Variants in ROBO1 observed in about 807,000 individuals in gnomAD.
The protein encoded by ROBO1 is roundabout guidance receptor 1.
Under a neutral mutation model 195.9 loss-of-function variants are expected in ROBO1, and 149 were observed. That is an observed-to-expected ratio of 0.76 (90% CI 0.67 to 0.87). ROBO1 has a LOEUF of 0.87. Among genes scored for constraint, ROBO1 ranks in the 40% least tolerant of loss-of-function variants. ROBO1 has a pLI of 0.00. For synonymous variants in ROBO1, 816 were observed against 733.2 expected, an observed-to-expected ratio of 1.11 and a Z score of -1.82; for missense variants, 1,933 against 2,068.3, an observed-to-expected ratio of 0.93 and a Z score of 1.27.
intron 1 of ROBO1, among the ~76,000 whole-genome samples, chr3:79,645,913 CT>C (rs1256191401): frequency 6.6e-6 from 1 of 152,094 alleles, no homozygotes; most frequent in African/African-American, 2.4e-5. Flanking sequence ...ATCTCATACC[CT>C]CTACAAAACT....
At chr3:79,141,774 C>G (rs931809803) in intron 2 of ROBO1, among the ~76,000 whole-genome samples, 6 of 152,026 alleles carry the variant, frequency 3.9e-5, no homozygotes, top group Non-Finnish European at 7.4e-5. Context: ...GGCTCACAGC[C>G]TTTGGACATT....
chr3:79,427,406 C>A (rs564194951), intron 2 of ROBO1, among the ~76,000 whole-genome samples: 5 of 152,240 alleles, frequency 3.3e-5, no homozygotes, highest in African/African-American at 1.2e-4. Flanking sequence ...GTCTATTTAA[C>A]CAGCAAATGA....
chr3:79,585,689 G>A (rs1943805682), intron 2 of ROBO1, among the ~76,000 whole-genome samples: 1 of 151,870 alleles, frequency 6.6e-6, no homozygotes, highest in Admixed American at 6.6e-5. Flanking sequence ...CTAAAGCAGA[G>A]GTTCTCAAAT....
chr3:79,224,856 A>G (rs2082198122), intron 2 of ROBO1, among the ~76,000 whole-genome samples: 1 of 152,184 alleles, frequency 6.6e-6, no homozygotes, highest in African/African-American at 2.4e-5. Context: ...CTAGGTCCTC[A>G]AATACCAATG....
intron 4 of ROBO1, among the ~76,000 whole-genome samples, chr3:78,860,327 T>TATATATATATATATATA (rs1491455003): frequency 1.3e-3 from 16 of 12,558 alleles, no homozygotes; most frequent in African/African-American, 2.1e-3. Context: ...TATATATATA[T>TATATATATATATATATA]TTTTTTTTTT....
chr3:79,047,201 G>T (rs1317577013), intron 3 of ROBO1, among the ~76,000 whole-genome samples: 7 of 152,096 alleles, frequency 4.6e-5, no homozygotes, highest in African/African-American at 1.7e-4. Context: ...TTATGTAGTG[G>T]GAGAATGTAG....
At chr3:79,150,902 G>T (rs2080755172) in intron 2 of ROBO1, among the ~76,000 whole-genome samples, 1 of 151,528 alleles carries the variant, frequency 6.6e-6, no homozygotes, top group African/African-American at 2.4e-5. Flanking sequence ...TTAATTCCCT[G>T]CCCCAGCCCC....
intron 1 of ROBO1, among the ~76,000 whole-genome samples, chr3:79,655,554 T>C (rs1371785790): frequency 2.6e-5 from 4 of 152,054 alleles, no homozygotes; most frequent in Non-Finnish European, 5.9e-5. Context: ...AATGGCAAGA[T>C]GTGTCAGGAA....
At chr3:78,832,840 T>C (rs1334309514) in intron 4 of ROBO1, among the ~76,000 whole-genome samples, 1 of 152,178 alleles carries the variant, frequency 6.6e-6, no homozygotes, top group East Asian at 1.9e-4. Flanking sequence ...GGAGGCACTC[T>C]TGGTATAGAG....
At chr3:79,446,644 A>G (rs1559905882) in intron 2 of ROBO1, among the ~76,000 whole-genome samples, 1 of 152,298 alleles carries the variant, frequency 6.6e-6, no homozygotes, top group South Asian at 2.1e-4. Flanking sequence ...TGCTAATGAT[A>G]TTATTACAAT....
At chr3:78,713,224 A>G (rs1177571883) in intron 8 of ROBO1, among the ~76,000 whole-genome samples, 2 of 152,184 alleles carry the variant, frequency 1.3e-5, no homozygotes, top group Non-Finnish European at 2.9e-5. Flanking sequence ...TAAAAACCCC[A>G]AAGTGGGACA....
intron 3 of ROBO1, among the ~76,000 whole-genome samples, chr3:79,094,442 G>A (rs2079529764): frequency 6.6e-6 from 1 of 152,038 alleles, no homozygotes; most frequent in South Asian, 2.1e-4. Context: ...GACATCCTTT[G>A]ATATGCAAAC....
chr3:79,577,253 G>T (rs759399036), intron 2 of ROBO1, among the ~76,000 whole-genome samples: 2 of 151,916 alleles, frequency 1.3e-5, no homozygotes, highest in African/African-American at 4.8e-5. Flanking sequence ...TCTTTTTAGC[G>T]TCATTTATTT....
At chr3:79,543,827 C>A (rs1942164850) in intron 2 of ROBO1, among the ~76,000 whole-genome samples, 1 of 152,082 alleles carries the variant, frequency 6.6e-6, no homozygotes, top group African/African-American at 2.4e-5. Flanking sequence ...TGTAGAAATA[C>A]TCTGCAATGC....
intron 4 of ROBO1, among the ~76,000 whole-genome samples, chr3:78,913,108 C>T (rs1240694193): frequency 1.3e-5 from 2 of 152,126 alleles, no homozygotes; most frequent in African/African-American, 4.8e-5. Flanking sequence ...CTTTGACTAA[C>T]TTTCCAGCCA....
At chr3:79,618,768 G>A (rs1560043063) in intron 1 of ROBO1, among the ~76,000 whole-genome samples, 2 of 151,992 alleles carry the variant, frequency 1.3e-5, no homozygotes, top group South Asian at 4.2e-4. Context: ...TACGACCTCG[G>A]GTCCACAGAC....
intron 4 of ROBO1, among the ~76,000 whole-genome samples, chr3:78,804,344 A>G (rs2084464635): frequency 6.6e-6 from 1 of 152,094 alleles, no homozygotes; most frequent in Admixed American, 6.6e-5. Flanking sequence ...TTTTCTTTCT[A>G]TATTAAAATG....
At chr3:79,000,750 A>T (rs1194403910) in intron 3 of ROBO1, among the ~76,000 whole-genome samples, 9 of 152,160 alleles carry the variant, frequency 5.9e-5, no homozygotes, top group Non-Finnish European at 1.5e-5. Flanking sequence ...ATACCATTTG[A>T]CCCAGCCATC....
At chr3:78,761,159 G>A (rs1012549308) in intron 4 of ROBO1, among the ~76,000 whole-genome samples, 13 of 152,048 alleles carry the variant, frequency 8.5e-5, no homozygotes, top group Admixed American at 2.6e-4. Flanking sequence ...TGCTTATAAT[G>A]AGGAATAAAC....
Sources: gnomAD v4.1 joint callset for allele counts (sites outside exome capture counted in the v4.1 genomes callset) on GRCh38, gnomAD v4.1.1 for gene constraint, MANE v1.5 for transcripts, NCBI Gene and HGNC (gene_info 2026-07-23, HGNC 2026-07-21) for gene names.